TRABD2A: variants seen among roughly 807,000 people sequenced by gnomAD.
The protein encoded by TRABD2A is TraB domain containing 2A.
TRABD2A carries 43 observed loss-of-function variants against 45.6 expected under a neutral mutation model. The observed-to-expected ratio is 0.94, with a 90% CI of 0.74 to 1.22. TRABD2A has a LOEUF of 1.22. Among genes scored for constraint, TRABD2A ranks in the 50% most tolerant of loss-of-function variants. The pLI, the probability that TRABD2A is intolerant of heterozygous loss-of-function variation, is 0.00. For synonymous variants in TRABD2A, 269 were observed against 265.0 expected, an observed-to-expected ratio of 1.02 and a Z score of -0.15; for missense variants, 642 against 652.4, an observed-to-expected ratio of 0.98 and a Z score of 0.17.
At position 84,870,551 on chromosome 2, in the gene TRABD2A, G is replaced by A. The variant is rs1046215165; in HGVS notation, c.343C>T (p.Leu115Phe). The A allele has an allele frequency of 1.2e-6, 2 of 1,613,942 alleles. No homozygotes were observed. The highest frequency in any genetic ancestry group is 2.2e-5 in the East Asian group (1 of 44,888). ...LPQGENLQDVLPRDIYCRLKR... is the reference protein window; with the variant it reads ...LPQGENLQDVFPRDIYCRLKR... Reference sequence around the variant, plus strand: ...AGGCGGCAGTAGATGTCCCTGGGGAGCACATCTTGGAGGTTCTCGCCCTGT... The same window carrying A: ...AGGCGGCAGTAGATGTCCCTGGGGAACACATCTTGGAGGTTCTCGCCCTGT... Residue 115 changes from leucine (L) to phenylalanine (F), a missense_variant, in exon 2 of 7, where the codon CTC becomes TTC. Coordinates refer to ENST00000409520, the MANE Select transcript of TRABD2A (RefSeq NM_001277053.2).
At chr2:84,860,688 T>G (rs775286175) in intron 2 of TRABD2A, among the ~76,000 whole-genome samples, 7 of 152,240 alleles carry the variant, frequency 4.6e-5, no homozygotes, top group Non-Finnish European at 1.0e-4. Context: ...TCTTGTGCTG[T>G]TAGAATCCAT....
intron 2 of TRABD2A, among the ~76,000 whole-genome samples, chr2:84,861,543 G>A (rs1017676453): frequency 8.5e-5 from 13 of 152,268 alleles, no homozygotes; most frequent in Non-Finnish European, 1.3e-4. Context: ...GGGAATGGCC[G>A]GGGAGCAGCT....
intron 1 of TRABD2A, among the ~76,000 whole-genome samples, chr2:84,878,603 C>T (rs1343290056): frequency 1.3e-5 from 2 of 151,712 alleles, no homozygotes; most frequent in African/African-American, 4.8e-5. Flanking sequence ...AGAGACTCAA[C>T]CTGCGTGGTG....
chr2:84,825,870 G>A (rs1027170860), intron 5 of TRABD2A, among the ~76,000 whole-genome samples: 5 of 152,162 alleles, frequency 3.3e-5, no homozygotes, highest in Non-Finnish European at 5.9e-5. Context: ...GTGTGCCAGG[G>A]ATCTCGGTTG....
At chr2:84,823,897 G>T in intron 6 of TRABD2A, 56 bp downstream of exon 6, 3 of 1,595,182 alleles carry the variant, frequency 1.9e-6, no homozygotes, top group East Asian at 4.5e-5. Context: ...GGCATTCCTG[G>T]GTCCGCTCAC....
intron 4 of TRABD2A, chr2:84,835,625 C>T (rs1297603694): frequency 6.6e-6 from 1 of 152,200 alleles, no homozygotes; most frequent in Non-Finnish European, 1.5e-5. Context: ...CTGTGTTGAC[C>T]AGGCTGGTCT....
intron 2 of TRABD2A, among the ~76,000 whole-genome samples, chr2:84,868,051 G>A (rs183122468): frequency 0.026 from 3,910 of 152,242 alleles, 81 homozygotes; most frequent in South Asian, 0.057. Flanking sequence ...TCTAGAACTA[G>A]AAATACCATT....
At chr2:84,854,870 T>G (rs1682221960) in intron 2 of TRABD2A, among the ~76,000 whole-genome samples, 1 of 152,114 alleles carries the variant, frequency 6.6e-6, no homozygotes, top group South Asian at 2.1e-4. Context: ...CAGGTCCACC[T>G]CTGGGGAAAA....
At chr2:84,861,679 G>C (rs1450302739) in intron 2 of TRABD2A, among the ~76,000 whole-genome samples, 1 of 152,158 alleles carries the variant, frequency 6.6e-6, no homozygotes, top group Non-Finnish European at 1.5e-5. Context: ...TCTTCAGACA[G>C]CACTGAAGCC....
chr2:84,822,542 GC>G (rs1681029440), intron 6 of TRABD2A, among the ~76,000 whole-genome samples: 2 of 152,154 alleles, frequency 1.3e-5, no homozygotes, highest in South Asian at 4.1e-4. Flanking sequence ...CAGCATATAG[GC>G]ATACCAGGTC....
chr2:84,857,214 A>G (rs1347334541), intron 2 of TRABD2A, among the ~76,000 whole-genome samples: 1 of 152,192 alleles, frequency 6.6e-6, no homozygotes, highest in Admixed American at 6.5e-5. Context: ...AATCCCACAC[A>G]ATGCTGGGGC....
chr2:84,822,241 C>A, intron 6 of TRABD2A, 141 bp from the exon 7 acceptor site: 1 of 657,114 alleles, frequency 1.5e-6, no homozygotes, highest in South Asian at 3.3e-5. Flanking sequence ...AATAGGCTTC[C>A]TATATCTCTG....
chr2:84,849,476 C>T (rs1290242887), intron 2 of TRABD2A: 1 of 152,282 alleles, frequency 6.6e-6, no homozygotes, highest in South Asian at 2.1e-4. Context: ...CATCGTGCAT[C>T]CAGGGCTGCT....
chr2:84,875,923 G>A (rs1683011835), intron 1 of TRABD2A, among the ~76,000 whole-genome samples: 1 of 151,840 alleles, frequency 6.6e-6, no homozygotes, highest in Non-Finnish European at 1.5e-5. Context: ...AGCCTGGGAG[G>A]ATGAGGCTGC....
At chr2:84,857,956 G>T (rs1464295075) in intron 2 of TRABD2A, among the ~76,000 whole-genome samples, 1 of 152,138 alleles carries the variant, frequency 6.6e-6, no homozygotes, top group Admixed American at 6.5e-5. Flanking sequence ...GCTCATTGTA[G>T]CCTCAAACTT....
intron 5 of TRABD2A, among the ~76,000 whole-genome samples, chr2:84,825,991 T>G (rs1046689690): frequency 3.9e-5 from 6 of 152,084 alleles, no homozygotes; most frequent in African/African-American, 1.4e-4. Context: ...TCTACAAAAT[T>G]AGTCCCTGGT....
At chr2:84,842,828 TG>T (rs1162512308) in intron 2 of TRABD2A, among the ~76,000 whole-genome samples, 5 of 152,038 alleles carry the variant, frequency 3.3e-5, no homozygotes. Flanking sequence ...GTCTCCTTGA[TG>T]GGGAACAGAG....
intron 2 of TRABD2A, among the ~76,000 whole-genome samples, chr2:84,850,035 G>T (rs1682028729): frequency 6.6e-6 from 1 of 152,158 alleles, no homozygotes; most frequent in African/African-American, 2.4e-5. Context: ...AGTCCAGTTG[G>T]TGGAATGTTC....
chr2:84,831,593 G>A (rs1224763275), intron 5 of TRABD2A, among the ~76,000 whole-genome samples: 1 of 151,932 alleles, frequency 6.6e-6, no homozygotes, highest in African/African-American at 2.4e-5. Flanking sequence ...GAGAAAAGGT[G>A]CTTTCTCCTG....
Sources: gnomAD v4.1 joint callset for allele counts (sites outside exome capture counted in the v4.1 genomes callset) on GRCh38, gnomAD v4.1.1 for gene constraint, MANE v1.5 for transcripts, NCBI Gene and HGNC (gene_info 2026-07-23, HGNC 2026-07-21) for gene names.